Variants in COG5 observed in about 807,000 individuals in gnomAD.
COG5 encodes conserved oligomeric Golgi complex subunit 5.
In COG5, 86 loss-of-function variants were observed where a neutral mutation model predicts 110.4. That is an observed-to-expected ratio of 0.78 (90% CI 0.65 to 0.93). COG5 has a LOEUF of 0.93. COG5 is among the 40% of genes least tolerant of loss of function. The probability of loss-of-function intolerance (pLI) is 0.00; values close to 1 mark genes in which losing one functional copy is unlikely to be tolerated. For missense variants in COG5, 1,077 were observed against 987.0 expected (o/e 1.09, Z -1.22); for synonymous variants, 360 against 334.6 (o/e 1.08, Z -0.83).
At chr7:107,475,034 G>T in intron 6 of COG5, 1 of 1,612,852 alleles carries the variant, frequency 6.2e-7, no homozygotes, top group Non-Finnish European at 8.5e-7. Context: ...TTTCTTCTCT[G>T]CTGGACACCA....
rs62482495 is a variant in COG5 at position 107,324,564 on chromosome 7, A to G, written c.1027-43T>C. The G allele has an allele frequency of 0.22, 263,337 of 1,173,036 alleles. 31,826 individuals are homozygous for G. The highest frequency in any genetic ancestry group is 0.31 in the East Asian group (12,991 of 41,618). The allele number at this position is 1,173,036 out of a possible 1,614,324, so 72.7% of individuals were successfully genotyped here. On this transcript the variant is annotated intron_variant, in intron 10 of 21. Coordinates refer to ENST00000297135, the MANE Select transcript of COG5 (RefSeq NM_006348.5). ...AAATTTTTTAAAAATAAAAAAATGC[A>G]TTTATTTTAAGAAATCATAATGGGT...
rs572299440 is a variant in COG5, at chr7:107,356,038, T to G, written c.1026+5995A>C. Among the ~76,000 whole-genome samples the G allele has an allele frequency of 4.4e-4, 67 of 152,376 alleles. 2 individuals carry two copies. The South Asian group carries it at 0.012, about 26-fold the overall frequency. On this transcript the variant is annotated intron_variant, in intron 10 of 21. Coordinates refer to ENST00000297135, the MANE Select transcript of COG5 (RefSeq NM_006348.5). ...ACATTGTACTTTCTGCTCAATATTTTGTAAACCTAAAGCTGCCCTAAAATC... is the reference window on the plus strand; with the variant it reads ...ACATTGTACTTTCTGCTCAATATTTGGTAAACCTAAAGCTGCCCTAAAATC...
intron 6 of COG5, among the ~76,000 whole-genome samples, chr7:107,513,282 A>C (rs1449888945): frequency 6.6e-6 from 1 of 151,958 alleles, no homozygotes; most frequent in African/African-American, 2.4e-5. Flanking sequence ...ATGCAGCCAA[A>C]AGACACATGA....
intron 12 of COG5, among the ~76,000 whole-genome samples, 199 bp from the exon 13 acceptor site, chr7:107,283,931 C>CTTTTTTTTTTTTTTTTTTTT (rs71522833): frequency 7.0e-6 from 1 of 142,634 alleles, no homozygotes. Flanking sequence ...CCATAGTAAC[C>CTTTTTTTTTTTTTTTTTTTT]TTTTTTTTTT....
intron 10 of COG5, among the ~76,000 whole-genome samples, chr7:107,361,711 G>A (rs1813132300): frequency 6.6e-6 from 1 of 152,124 alleles, no homozygotes; most frequent in African/African-American, 2.4e-5. Flanking sequence ...ACAGGCATAT[G>A]CCACCACGCC....
At chr7:107,204,643 C>T (rs1262040995) in intron 21 of COG5, among the ~76,000 whole-genome samples, 5 of 152,164 alleles carry the variant, frequency 3.3e-5, no homozygotes. Flanking sequence ...AAATACTAAT[C>T]TAATTGGGTT....
chr7:107,256,689 A>G (rs942540972), intron 16 of COG5, 43 bp downstream of exon 16: 1 of 1,397,576 alleles, frequency 7.2e-7, no homozygotes, highest in Non-Finnish European at 1.0e-6. Context: ...AAATAATCCT[A>G]AAACCACTTT....
chr7:107,412,427 T>G, intron 7 of COG5, 75 bp downstream of exon 7: 2 of 1,434,678 alleles, frequency 1.4e-6, no homozygotes. Flanking sequence ...ATATTACTTT[T>G]TTGAACTCAA....
intron 10 of COG5, among the ~76,000 whole-genome samples, chr7:107,361,428 G>C (rs1813102089): frequency 6.6e-6 from 1 of 152,148 alleles, no homozygotes; most frequent in African/African-American, 2.4e-5. Context: ...TCTAGTGGAA[G>C]TTTTAAAGCA....
intron 6 of COG5, among the ~76,000 whole-genome samples, chr7:107,511,354 G>A (rs1584915637): frequency 6.6e-6 from 1 of 152,160 alleles, no homozygotes; most frequent in East Asian, 1.9e-4. Flanking sequence ...GGAAGAAGTT[G>A]AATCTCTGAA....
rs75868392 is a variant in COG5, at chr7:107,211,407, C to T, written c.2169-182G>A. On this transcript the variant is annotated intron_variant, in intron 19 of 21. Transcript: ENST00000297135. ...ACAAGCCTCTACCCCCACATGCCCA[C>T]GTGCTCACAGGCTGATCTACCCTTC... Among the ~76,000 whole-genome samples the T allele has an allele frequency of 8.9e-3, 1,348 of 152,018 alleles. 26 individuals carry two copies. The highest frequency in any genetic ancestry group is 0.03 in the African/African-American group (1,232 of 41,302).
At chr7:107,437,948 G>A (rs1794466026) in intron 6 of COG5, among the ~76,000 whole-genome samples, 1 of 152,002 alleles carries the variant, frequency 6.6e-6, no homozygotes, top group South Asian at 2.1e-4. Flanking sequence ...TGCAAGAAAT[G>A]GCCAATTAGA....
intron 3 of COG5, among the ~76,000 whole-genome samples, chr7:107,551,148 T>C (rs1198250075): frequency 6.6e-6 from 1 of 152,160 alleles, no homozygotes; most frequent in Non-Finnish European, 1.5e-5. Context: ...GTTCACGCCA[T>C]TCTCCTGCCT....
chr7:107,202,713 G>GAAAAT lies in COG5; in HGVS notation c.*798_*802dup, dbSNP rs1371834027. ...GTTAATAGTGGAACAAGAGCCATCAGAAAATAAGGACTTAGATTATCTACT... is the reference window on the plus strand; with the variant it reads ...GTTAATAGTGGAACAAGAGCCATCAGAAAATAAAATAAGGACTTAGATTATCTACT... On this transcript the variant is annotated 3_prime_UTR_variant, in exon 22 of 22. Transcript: ENST00000297135. The GAAAAT allele has an allele frequency of 6.6e-6, 1 of 152,074 alleles. No homozygotes were observed. The highest frequency in any genetic ancestry group is 1.5e-5 in the Non-Finnish European group (1 of 68,028). The allele number at this position is 152,074 out of a possible 1,614,324, so 9.4% of individuals were successfully genotyped here. A position where few individuals can be genotyped will look rare whatever the true frequency, so the allele number is the denominator to read the frequency against.
intron 11 of COG5, among the ~76,000 whole-genome samples, chr7:107,312,353 A>C (rs1418964495): frequency 6.6e-6 from 1 of 152,234 alleles, no homozygotes; most frequent in Non-Finnish European, 1.5e-5. Context: ...AGGTAGGCAG[A>C]AGCTTTTTGC....
At chr7:107,492,882 G>A (rs541212382) in intron 6 of COG5, among the ~76,000 whole-genome samples, 1 of 152,188 alleles carries the variant, frequency 6.6e-6, no homozygotes, top group South Asian at 2.1e-4. Context: ...TCTGCCTATT[G>A]TGCCATACTT....
In COG5 at chr7:107,203,556, A is replaced by G. The variant is rs889454863; in HGVS notation, c.2450T>C (p.Met817Thr). The G allele has an allele frequency of 7.4e-6, 12 of 1,613,948 alleles. No individual in the cohort carries two copies. The highest frequency in any genetic ancestry group is 2.7e-5 in the African/African-American group (2 of 74,928). The change falls in exon 22 of 22, where the codon ATG becomes ACG. Residue 817 changes from methionine to threonine, a missense_variant. Physicochemically the swap from Met to Thr is moderately conservative, Grantham distance 81. Transcript: ENST00000297135. Reference protein sequence around the residue: ...GKEFAPVYPIMVQLLQKAMSA... With the variant: ...GKEFAPVYPITVQLLQKAMSA... ...CATAGCCTTTTGAAGCAGCTGAACC[A>G]TTATGGGATAAACTGGTGCAAATTC...
intron 10 of COG5, among the ~76,000 whole-genome samples, chr7:107,338,183 C>T (rs556552887): frequency 6.6e-6 from 1 of 152,052 alleles, no homozygotes; most frequent in African/African-American, 2.4e-5. Context: ...TCTCAAGGAC[C>T]TCAAATATCT....
intron 6 of COG5, among the ~76,000 whole-genome samples, chr7:107,456,294 A>G (rs1216021871): frequency 2.6e-5 from 4 of 152,222 alleles, no homozygotes; most frequent in Non-Finnish European, 5.9e-5. Context: ...AAGAAGTGCC[A>G]TGACAATTAA....
Sources: allele counts gnomAD v4.1 joint callset (sites outside exome capture counted in the v4.1 genomes callset), GRCh38; gene constraint gnomAD v4.1.1; transcripts MANE v1.5; gene names NCBI Gene and HGNC (gene_info 2026-07-23, HGNC 2026-07-21).